Variants in PPP1R13B observed in about 807,000 individuals in gnomAD.
The protein encoded by PPP1R13B is apoptosis-stimulating of p53 protein 1.
In PPP1R13B, 44 loss-of-function variants were observed where a neutral mutation model predicts 119.8. That is an observed-to-expected ratio of 0.37 (90% CI 0.29 to 0.47). PPP1R13B has a LOEUF of 0.47. PPP1R13B is among the 20% of genes least tolerant of loss of function. PPP1R13B has a pLI of 0.99. For synonymous variants in PPP1R13B, 542 were observed against 561.5 expected (o/e 0.97, Z 0.49); for missense variants, 1,227 against 1,413.5 (o/e 0.87, Z 2.12).
chr14:103,798,118 G>A lies in PPP1R13B; in HGVS notation c.10-600C>T, dbSNP rs1205098047. The stretch of plus-strand genomic sequence containing the variant: ...AAAAATCAGACACTATTTTTAAAAA[G>A]ACTGATATTCAAGTACATTAAATAT... On this transcript the variant is annotated intron_variant, in intron 1 of 16. Coordinates refer to ENST00000202556, the MANE Select transcript of PPP1R13B (RefSeq NM_015316.3). 3.3e-5 allele frequency among the ~76,000 whole-genome samples: 5 copies of A among 150,096 alleles called. 1 individual carries two copies. In the South Asian group the frequency reaches 1.0e-3, roughly 31 times the overall value.
chr14:103,823,329 ACT>A lies in PPP1R13B; in HGVS notation c.9+23968_9+23969del, dbSNP rs747430765. Among the ~76,000 whole-genome samples the A allele has an allele frequency of 2.7e-5, 4 of 150,228 alleles. 1 individual carries two copies. Among genetic ancestry groups the A allele is most frequent in the African/African-American group, 9.8e-5 (4 of 40,818 alleles). ...ACTTCAGCCTGGGTGACACAGTGAG[ACT>A]CTGTCTCAAAAAAAAGAAAAAAAAA... On this transcript the variant is annotated intron_variant, in intron 1 of 16. Transcript: ENST00000202556.
rs1195888575 is a variant in PPP1R13B at position 103,763,618 on chromosome 14, G to C, written c.355-5867C>G. ...GATTTTATTTTTTCCTTAACTTTTC[G>C]AGTCACAGGCTTTTCTTTTTTAGAG... On this transcript the variant is annotated intron_variant, in intron 4 of 16. Transcript: ENST00000202556. 2.6e-5 allele frequency among the ~76,000 whole-genome samples: 4 copies of C among 151,940 alleles called. No homozygotes were observed. The East Asian group carries it at 7.7e-4, about 29-fold the overall frequency.
intron 1 of PPP1R13B, among the ~76,000 whole-genome samples, chr14:103,805,299 G>A (rs147248437): frequency 2.0e-5 from 3 of 152,240 alleles, no homozygotes; most frequent in African/African-American, 4.8e-5. Flanking sequence ...GGCCAGGAAC[G>A]GTGGCTCATG....
At chr14:103,735,248 GCCAGCCAGACCCGAC>G (rs1175140630) in intron 16 of PPP1R13B, 53 bp from the exon 17 acceptor site, 5 of 1,598,368 alleles carry the variant, frequency 3.1e-6, no homozygotes, top group Non-Finnish European at 4.3e-6. Flanking sequence ...AGGGAGCAGG[GCCAGCCAGACCCGAC>G]CCCTGCTCCT....
intron 4 of PPP1R13B, chr14:103,763,977 A>C (rs183177704): frequency 6.6e-6 from 1 of 152,378 alleles, no homozygotes; most frequent in African/African-American, 2.4e-5. Flanking sequence ...GCTGCATCAT[A>C]TTCAGTCAGA....
chr14:103,772,864 G>A (rs1283995039), intron 4 of PPP1R13B, among the ~76,000 whole-genome samples: 2 of 151,846 alleles, frequency 1.3e-5, no homozygotes, highest in East Asian at 1.9e-4. Flanking sequence ...ACAGGGTTTC[G>A]CCATGTTGGC....
chr14:103,823,026 A>C (rs745687423), intron 1 of PPP1R13B, among the ~76,000 whole-genome samples: 7 of 151,912 alleles, frequency 4.6e-5, no homozygotes, highest in Non-Finnish European at 1.0e-4. Context: ...GCCCATAAGG[A>C]TCCCTAAGTC....
At chr14:103,780,942 A>T (rs1232608033) in intron 3 of PPP1R13B, among the ~76,000 whole-genome samples, 2 of 152,152 alleles carry the variant, frequency 1.3e-5, no homozygotes, top group Non-Finnish European at 2.9e-5. Flanking sequence ...TTTTAGGCAA[A>T]GGTAAAGGGG....
chr14:103,753,261 T>A (rs983250550), intron 6 of PPP1R13B, 65 bp from the exon 7 acceptor site: 29 of 1,449,920 alleles, frequency 2.0e-5, no homozygotes, highest in Non-Finnish European at 2.7e-5. Flanking sequence ...TTCATTTCTA[T>A]ACACTGAACT....
At chr14:103,836,148 C>A (rs2086772889) in intron 1 of PPP1R13B, among the ~76,000 whole-genome samples, 1 of 151,594 alleles carries the variant, frequency 6.6e-6, no homozygotes, top group Non-Finnish European at 1.5e-5. Context: ...CAGGCTCAAG[C>A]AATTCTCCTG....
At chr14:103,818,309 C>T (rs1353925496) in intron 1 of PPP1R13B, among the ~76,000 whole-genome samples, 1 of 152,248 alleles carries the variant, frequency 6.6e-6, no homozygotes, top group South Asian at 2.1e-4. Context: ...CTTATAAAAC[C>T]CATCTACAAT....
chr14:103,845,200 A>T lies in PPP1R13B; in HGVS notation c.9+2099T>A, dbSNP rs144783854. On this transcript the variant is annotated intron_variant, in intron 1 of 16. Transcript: ENST00000202556. ...ATCATCATCATGATGAATACCAAAT[A>T]TACAATAAATCGAGAAAAATCTTAT... Among the ~76,000 whole-genome samples, 973 of 150,556 alleles carry T rather than the reference A, an allele frequency of 6.5e-3. 10 individuals are homozygous for T. Among genetic ancestry groups the T allele is most frequent in the African/African-American group, 0.023 (940 of 40,608 alleles).
intron 1 of PPP1R13B, among the ~76,000 whole-genome samples, chr14:103,811,852 C>G (rs1374515087): frequency 6.6e-6 from 1 of 151,388 alleles, no homozygotes; most frequent in Non-Finnish European, 1.5e-5. Flanking sequence ...GTCAGGAGAT[C>G]AAGATCATCC....
At chr14:103,785,402 G>GAA (rs1945607282) in intron 2 of PPP1R13B, among the ~76,000 whole-genome samples, 1 of 152,102 alleles carries the variant, frequency 6.6e-6, no homozygotes, top group Non-Finnish European at 1.5e-5. Flanking sequence ...GTATTTAGTA[G>GAA]AGAGAGGGTT....
intron 1 of PPP1R13B, among the ~76,000 whole-genome samples, chr14:103,799,097 T>C (rs1005317919): frequency 6.6e-6 from 1 of 152,170 alleles, no homozygotes; most frequent in East Asian, 1.9e-4. Context: ...CCTCCCCAGT[T>C]CAAGCAATTT....
At chr14:103,843,767 A>G (rs1340239999) in intron 1 of PPP1R13B, among the ~76,000 whole-genome samples, 1 of 151,704 alleles carries the variant, frequency 6.6e-6, no homozygotes, top group Non-Finnish European at 1.5e-5. Context: ...ATCCTGGCCA[A>G]CGTGGTGAAA....
At chr14:103,777,012 A>G (rs1470071034) in intron 4 of PPP1R13B, among the ~76,000 whole-genome samples, 6 of 151,880 alleles carry the variant, frequency 4.0e-5, no homozygotes, top group Non-Finnish European at 5.9e-5. Context: ...GCTTTTTTTG[A>G]GATGGAGTCT....
intron 4 of PPP1R13B, among the ~76,000 whole-genome samples, chr14:103,769,589 A>T (rs944178918): frequency 2.0e-5 from 3 of 152,178 alleles, no homozygotes; most frequent in African/African-American, 7.2e-5. Context: ...GTAAAATGTC[A>T]TTTCAAAAAT....
chr14:103,813,639 G>A (rs937007551), intron 1 of PPP1R13B, among the ~76,000 whole-genome samples: 11 of 152,194 alleles, frequency 7.2e-5, no homozygotes, highest in African/African-American at 2.7e-4. Context: ...AGAACTGTGA[G>A]TACATTAAAT....
Sources: gnomAD v4.1 joint callset for allele counts (sites outside exome capture counted in the v4.1 genomes callset) on GRCh38, gnomAD v4.1.1 for gene constraint, MANE v1.5 for transcripts, NCBI Gene and HGNC (gene_info 2026-07-23, HGNC 2026-07-21) for gene names.